ARHGAP30: variants seen among roughly 807,000 people sequenced by gnomAD.
The protein encoded by ARHGAP30 is rho GTPase-activating protein 30.
A neutral mutation model predicts 72.0 loss-of-function variants in ARHGAP30; 23 were observed. The observed-to-expected ratio is 0.32, with a 90% CI of 0.23 to 0.45. The LOEUF (loss-of-function observed/expected upper bound fraction) is 0.45. Among genes scored for constraint, ARHGAP30 ranks in the 20% least tolerant of loss-of-function variants. ARHGAP30 has a pLI of 1.00. For missense variants in ARHGAP30, 1,319 were observed against 1,383.4 expected (o/e 0.95, Z 0.74); for synonymous variants, 576 against 528.2 (o/e 1.09, Z -1.24).
At position 161,051,326 on chromosome 1, in the gene ARHGAP30, G is replaced by A. The variant is rs763082868; in HGVS notation, c.1408C>T (p.Pro470Ser). 14 of 1,600,852 alleles carry A rather than the reference G, an allele frequency of 8.7e-6. No individual in the cohort carries two copies. The highest frequency in any genetic ancestry group is 1.2e-5 in the Non-Finnish European group (14 of 1,172,888). Residue 470 changes from proline to serine, a missense_variant, in exon 10 of 12, where the codon CCT (proline) becomes TCT (serine). Physicochemically the swap from Pro to Ser is moderately conservative, Grantham distance 74 (BLOSUM62 -1). Coordinates refer to ENST00000368013, the MANE Select transcript of ARHGAP30 (RefSeq NM_001025598.2). ...AATGGGTCCTCACCTGGGGGGCCAG[G>A]GCCAAGGCCAGGGCCAGGGCCAGGG... Reference protein sequence around the residue: ...SGPGPGPGLGPGPPDEKLEAS... With the variant: ...SGPGPGPGLGSGPPDEKLEAS...
chr1:161,053,462 T>TTCTCTC (rs57196073), intron 5 of ARHGAP30, 77 bp from the exon 6 acceptor site: 16,232 of 686,426 alleles, frequency 0.024, 257 homozygotes, highest in South Asian at 0.037. Flanking sequence ...AAATACCTTA[T>TTCTCTC]TCTCTCTCTC....
chr1:161,049,202 C>T lies in ARHGAP30; in HGVS notation c.1819G>A (p.Glu607Lys), dbSNP rs772503565. ...RPEVEEENGE[E>K]VFLSAYDDLS... ...TCATCATAGGCACTCAGGAAAACTT[C>T]CTCCCCATTTTCCTCCTCAACTTCA... The change falls in exon 12 of 12, where the codon GAA (glutamate) becomes AAA (lysine). Residue 607 changes from glutamate (E) to lysine (K), a missense_variant. Physicochemically the swap from Glu to Lys is moderately conservative, Grantham distance 56. Coordinates refer to ENST00000368013, the MANE Select transcript of ARHGAP30 (RefSeq NM_001025598.2). 28 of 1,614,038 alleles carry T rather than the reference C, an allele frequency of 1.7e-5. No homozygotes were observed. Among genetic ancestry groups the T allele is most frequent in the Non-Finnish European group, 2.3e-5 (27 of 1,180,010 alleles).
chr1:161,050,413 C>T (rs1271255381), intron 10 of ARHGAP30, among the ~76,000 whole-genome samples: 2 of 151,156 alleles, frequency 1.3e-5, no homozygotes, highest in Non-Finnish European at 2.9e-5. Context: ...ATTCTCCTGC[C>T]TCAGCCTTCT....
rs951192619 is a variant in ARHGAP30, at chr1:161,054,266, T to C, written c.536+100A>G. ...ACTGGGCTTTGTGAGCCCTACACCC[T>C]TCTCCAGTGTACCCACACAGTCACA... On this transcript the variant is annotated intron_variant, in intron 5 of 11. Coordinates refer to ENST00000368013, the MANE Select transcript of ARHGAP30 (RefSeq NM_001025598.2). 10 of 1,103,134 alleles carry C rather than the reference T, an allele frequency of 9.1e-6. No individual in the cohort carries two copies. In the Admixed American group the frequency reaches 2.0e-4, roughly 22 times the overall value. The allele number at this position is 1,103,134 out of a possible 1,614,324, so 68.3% of individuals were successfully genotyped here.
At chr1:161,057,733 G>C (rs556133558) in intron 2 of ARHGAP30, among the ~76,000 whole-genome samples, 4 of 152,332 alleles carry the variant, frequency 2.6e-5, no homozygotes, top group Admixed American at 6.5e-5. Context: ...AAAAAAGGTA[G>C]GCCGGGCGCA....
chr1:161,065,806 A>T (rs1652714699), intron 1 of ARHGAP30, among the ~76,000 whole-genome samples: 1 of 151,954 alleles, frequency 6.6e-6, no homozygotes, highest in Non-Finnish European at 1.5e-5. Flanking sequence ...ACCTCAGGTG[A>T]TCCACCCACC....
At position 161,069,615 on chromosome 1, in the gene ARHGAP30, G is replaced by C; in HGVS notation, c.10C>G (p.Arg4Gly). Residue 4 changes from arginine (R) to glycine (G), a missense_variant, in exon 1 of 12, where the codon CGG (arginine) becomes GGG (glycine). Coordinates refer to ENST00000368013, the MANE Select transcript of ARHGAP30 (RefSeq NM_001025598.2). This position sits in a 1 kb window ranked among gnomAD's most constrained non-coding sequence, Gnocchi z 4.9. Reference sequence around the variant, plus strand: ...CTGCCCTTCTTCTTTCCTTTCTGCCGAGACTTCATGGCCAGAGCCCCAGGG... The same window carrying C: ...CTGCCCTTCTTCTTTCCTTTCTGCCCAGACTTCATGGCCAGAGCCCCAGGG... MKS[R>G]QKGKKKGSAK... 1 of 1,609,856 alleles carries C rather than the reference G, an allele frequency of 6.2e-7. No individual in the cohort carries two copies. The highest frequency in any genetic ancestry group is 8.5e-7 in the Non-Finnish European group (1 of 1,179,980).
chr1:161,068,984 C>T (rs1652960979), intron 1 of ARHGAP30, among the ~76,000 whole-genome samples: 1 of 152,110 alleles, frequency 6.6e-6, no homozygotes, highest in South Asian at 2.1e-4. Context: ...AGGTTGTTTC[C>T]AGCCCGACAT....
intron 10 of ARHGAP30, 143 bp downstream of exon 10, chr1:161,051,171 T>C: frequency 1.5e-6 from 2 of 1,375,834 alleles, no homozygotes; most frequent in Middle Eastern, 2.7e-4. Context: ...TAATCCTGAA[T>C]CTAGGGAGGC....
chr1:161,049,472 G>C lies in ARHGAP30; in HGVS notation c.1638C>G (p.Asp546Glu). The change falls in exon 11 of 12, where the codon GAC (aspartate) becomes GAG (glutamate). Residue 546 changes from aspartate (D) to glutamate (E), a missense_variant. By Grantham distance (45) the Asp-to-Glu change is conservative. This residue lies in a region of ARHGAP30 where 1,097 missense variants were observed against 1,045.2 expected (regional missense o/e 1.05). Coordinates refer to ENST00000368013, the MANE Select transcript of ARHGAP30 (RefSeq NM_001025598.2). ...AAGAAFSPGE[D>E]DPGMGYLEEL... Reference sequence around the variant, plus strand: ...CCTCCAGGTAGCCCATCCCAGGGTCGTCCTCCCCAGGGGAGAAGGCTGCTC... The same window carrying C: ...CCTCCAGGTAGCCCATCCCAGGGTCCTCCTCCCCAGGGGAGAAGGCTGCTC... 6.2e-7 allele frequency: 1 copy of C among 1,613,688 alleles called. No individual in the cohort carries two copies. Among genetic ancestry groups the C allele is most frequent in the Non-Finnish European group, 8.5e-7 (1 of 1,179,884 alleles).
Position 161,048,065 on chromosome 1 carries a change from G to T in ARHGAP30, c.2956C>A (p.Arg986=). The T allele has an allele frequency of 6.2e-7, 1 of 1,614,132 alleles. No homozygotes were observed. The highest frequency in any genetic ancestry group is 8.5e-7 in the Non-Finnish European group (1 of 1,180,006). The change falls in exon 12 of 12, where the codon CGA becomes AGA. Residue 986 remains arginine (R), a synonymous_variant. Transcript: ENST00000368013. ...CTACCCCCATTCCTCCAAGAGGATC[G>T]AGAAGCTCGGGACCCCCAAGCCCTT... ...GERAWGSRAS[R]SSWRNGGSLS...
chr1:161,060,765 G>T (rs1392745226), intron 1 of ARHGAP30, among the ~76,000 whole-genome samples: 6 of 142,852 alleles, frequency 4.2e-5, no homozygotes, highest in Non-Finnish European at 9.0e-5. Flanking sequence ...GCAGTGGCGC[G>T]ATCTTTCCTT....
At chr1:161,056,354 G>C (rs1215077857) in intron 3 of ARHGAP30, 34 bp downstream of exon 3, 1 of 1,608,514 alleles carries the variant, frequency 6.2e-7, no homozygotes, top group Non-Finnish European at 8.5e-7. Context: ...CCACCCCTGA[G>C]CCCTGTCTTC....
rs75570999 is a variant in ARHGAP30 at position 161,047,655 on chromosome 1, A to T, written c.*60T>A. On this transcript the variant is annotated 3_prime_UTR_variant, in exon 12 of 12. Coordinates refer to ENST00000368013, the MANE Select transcript of ARHGAP30 (RefSeq NM_001025598.2). ...CATGCTGCAGAGGAGACAGCTAGTC[A>T]GGAACCCTGGAGATTCAAGACAACT... 1 of 1,481,362 alleles carries T rather than the reference A, an allele frequency of 6.8e-7. No homozygotes were observed. Among genetic ancestry groups the T allele is most frequent in the South Asian group, 1.5e-5 (1 of 68,596 alleles). The allele number at this position is 1,481,362 out of a possible 1,614,324, so 91.8% of individuals were successfully genotyped here.
At chr1:161,062,488 G>A (rs963894921) in intron 1 of ARHGAP30, among the ~76,000 whole-genome samples, 10 of 152,020 alleles carry the variant, frequency 6.6e-5, no homozygotes, top group African/African-American at 2.4e-4. Context: ...CACCACTTTG[G>A]TAGGCCGAGG....
Position 161,051,498 on chromosome 1 carries a change from G to A in ARHGAP30, c.1236C>T (p.Ile412=), listed in dbSNP as rs753022809. ...GGAGGTTGACATTGTAGGGGTCTGA[G>A]ATGTGGACACCAGCACAGCGTTCTG... The part of the protein sequence containing the change: ...SRAERCAGVH[I]SDPYNVNLPL... Residue 412 remains isoleucine (I), a synonymous_variant, in exon 10 of 12, where the codon ATC becomes ATT. Coordinates refer to ENST00000368013, the MANE Select transcript of ARHGAP30 (RefSeq NM_001025598.2). 6.2e-7 allele frequency: 1 copy of A among 1,614,138 alleles called. No individual in the cohort carries two copies. The highest frequency in any genetic ancestry group is 1.7e-5 in the Admixed American group (1 of 60,018).
intron 1 of ARHGAP30, among the ~76,000 whole-genome samples, chr1:161,066,315 C>T (rs1652758995): frequency 6.6e-6 from 1 of 150,522 alleles, no homozygotes; most frequent in Non-Finnish European, 1.5e-5. Context: ...GAGATGCCAA[C>T]CATGCCCATG....
chr1:161,065,748 G>A (rs1175027726), intron 1 of ARHGAP30, among the ~76,000 whole-genome samples: 1 of 151,788 alleles, frequency 6.6e-6, no homozygotes, highest in East Asian at 1.9e-4. Flanking sequence ...TATATTTCTA[G>A]TAGAGACAGA....
At chr1:161,055,660 G>T (rs533495398) in intron 3 of ARHGAP30, among the ~76,000 whole-genome samples, 1 of 150,358 alleles carries the variant, frequency 6.7e-6, no homozygotes, top group East Asian at 2.0e-4. Context: ...GCATTGTGGC[G>T]GGCTCTCCAG....
Sources: allele counts gnomAD v4.1 joint callset (sites outside exome capture counted in the v4.1 genomes callset), GRCh38; gene constraint gnomAD v4.1.1; regional missense constraint gnomAD v4.1.1; non-coding constraint Gnocchi (gnomAD v3.1); transcripts MANE v1.5; gene names NCBI Gene and HGNC (gene_info 2026-07-23, HGNC 2026-07-21).